SDHAF3: variants seen among roughly 807,000 people sequenced by gnomAD.
SDHAF3 encodes the protein succinate dehydrogenase assembly factor 3, mitochondrial.
Under a neutral mutation model 11.5 loss-of-function variants are expected in SDHAF3, and 18 were observed. That is an observed-to-expected ratio of 1.56 (90% CI 1.08 to 2.32). SDHAF3 has a LOEUF of 2.32. Among genes scored for constraint, SDHAF3 ranks in the 30% most tolerant of loss-of-function variants. The probability of loss-of-function intolerance (pLI) is 0.00; values close to 1 mark genes in which losing one functional copy is unlikely to be tolerated. For synonymous variants in SDHAF3, 72 were observed against 59.3 expected (o/e 1.21, Z -0.99); for missense variants, 200 against 154.4 (o/e 1.30, Z -1.57).
intron 1 of SDHAF3, among the ~76,000 whole-genome samples, chr7:97,138,284 T>G (rs1208131895): frequency 2.0e-5 from 3 of 152,024 alleles, no homozygotes; most frequent in African/African-American, 7.2e-5. Flanking sequence ...CTCAGCCTCC[T>G]GAGTAGCTGG....
At position 97,118,036 on chromosome 7, in the gene SDHAF3, A is replaced by G. The variant is rs1791435141; in HGVS notation, c.174+139A>G. On this transcript the variant is annotated intron_variant, in intron 1 of 1. Transcript: ENST00000432641. Reference sequence around the variant, plus strand: ...AATAGCGTAATGCTGTTCAGGTAACACTTTCCAAAGTTTCTCCCACGGGTT... The same window carrying G: ...AATAGCGTAATGCTGTTCAGGTAACGCTTTCCAAAGTTTCTCCCACGGGTT... 5 of 1,068,516 alleles carry G rather than the reference A, an allele frequency of 4.7e-6. No homozygotes were observed. The South Asian group carries it at 7.1e-5, about 15-fold the overall frequency. 66.2% of individuals were successfully genotyped at this position (1,068,516 alleles called of 1,614,324 possible). A position where few individuals can be genotyped will look rare whatever the true frequency, so the allele number is the denominator to read the frequency against.
At chr7:97,125,378 C>T (rs192832848) in intron 1 of SDHAF3, among the ~76,000 whole-genome samples, 2 of 152,192 alleles carry the variant, frequency 1.3e-5, no homozygotes, top group African/African-American at 4.8e-5. Context: ...TATAAATTTC[C>T]CTCTAAACAC....
chr7:97,180,382 A>G (rs1444928799), intron 1 of SDHAF3, among the ~76,000 whole-genome samples: 2 of 152,180 alleles, frequency 1.3e-5, no homozygotes, highest in East Asian at 3.9e-4. Flanking sequence ...AGAAAAATAA[A>G]ATTTTAAGTG....
chr7:97,138,262 C>G (rs1432983179), intron 1 of SDHAF3, among the ~76,000 whole-genome samples: 3 of 151,864 alleles, frequency 2.0e-5, no homozygotes, highest in Non-Finnish European at 2.9e-5. Flanking sequence ...CACGTATAAG[C>G]AATTCTCTTG....
intron 1 of SDHAF3, among the ~76,000 whole-genome samples, chr7:97,148,130 G>C (rs1562825291): frequency 1.3e-5 from 2 of 152,004 alleles, no homozygotes; most frequent in African/African-American, 4.8e-5. Context: ...CAGACCCCAA[G>C]TGATCCACCT....
At chr7:97,169,508 A>T (rs10252691) in intron 1 of SDHAF3, among the ~76,000 whole-genome samples, 16 of 152,190 alleles carry the variant, frequency 1.1e-4, no homozygotes, top group Non-Finnish European at 7.4e-5. Context: ...TTTTGGTGAC[A>T]GCTATAATGT....
intron 1 of SDHAF3, among the ~76,000 whole-genome samples, chr7:97,145,256 C>T (rs1198283425): frequency 6.6e-6 from 1 of 151,894 alleles, no homozygotes; most frequent in African/African-American, 2.4e-5. Context: ...CACATGATGG[C>T]AGAAGATACT....
intron 1 of SDHAF3, among the ~76,000 whole-genome samples, chr7:97,150,184 A>C (rs187040760): frequency 4.6e-5 from 7 of 152,292 alleles, no homozygotes; most frequent in Non-Finnish European, 7.3e-5. Flanking sequence ...TGAATTCTCA[A>C]ACTTTTCAAA....
At chr7:97,163,054 G>C (rs1343894086) in intron 1 of SDHAF3, among the ~76,000 whole-genome samples, 1 of 151,098 alleles carries the variant, frequency 6.6e-6, no homozygotes, top group Non-Finnish European at 1.5e-5. Context: ...TTGAGAACTT[G>C]TTTTATGAAT....
intron 1 of SDHAF3, among the ~76,000 whole-genome samples, chr7:97,172,051 T>C (rs1292720617): frequency 6.6e-6 from 1 of 152,090 alleles, no homozygotes; most frequent in African/African-American, 2.4e-5. Context: ...AAATAATATT[T>C]ATTATAAAAT....
Position 97,117,899 on chromosome 7 carries a change from C to T in SDHAF3, c.174+2C>T. ...CAGCGTTTCTTGCAAGAATGGGAGG[C>T]AAGTGACGCTCCCTTCTCTTTGCCC... On this transcript the variant is annotated splice_donor_variant, in intron 1 of 1. Transcript: ENST00000432641. LOFTEE classifies it low-confidence loss of function (GC_TO_GT_DONOR). 1 of 1,613,620 alleles carries T rather than the reference C, an allele frequency of 6.2e-7. No homozygotes were observed. Among genetic ancestry groups the T allele is most frequent in the Non-Finnish European group, 8.5e-7 (1 of 1,179,616 alleles).
At chr7:97,121,833 G>T (rs1395358440) in intron 1 of SDHAF3, among the ~76,000 whole-genome samples, 1 of 147,560 alleles carries the variant, frequency 6.8e-6, no homozygotes, top group Non-Finnish European at 1.5e-5. Context: ...ACAGTATGAG[G>T]TTTTTTGGTT....
intron 1 of SDHAF3, among the ~76,000 whole-genome samples, chr7:97,176,271 G>A (rs919365472): frequency 2.6e-5 from 4 of 152,174 alleles, no homozygotes; most frequent in African/African-American, 9.7e-5. Context: ...GCTACTTGAA[G>A]CAGCTGCTTA....
At chr7:97,147,599 G>T (rs1584220940) in intron 1 of SDHAF3, among the ~76,000 whole-genome samples, 1 of 152,190 alleles carries the variant, frequency 6.6e-6, no homozygotes. Flanking sequence ...CAAAAGGAAA[G>T]CTCATGCTGC....
intron 1 of SDHAF3, among the ~76,000 whole-genome samples, chr7:97,169,254 G>A (rs1399840050): frequency 6.6e-6 from 1 of 152,086 alleles, no homozygotes; most frequent in Non-Finnish European, 1.5e-5. Context: ...TGAATGTAGT[G>A]AGCTAAGATC....
intron 1 of SDHAF3, among the ~76,000 whole-genome samples, chr7:97,153,220 A>G (rs149401823): frequency 1.8e-4 from 27 of 152,296 alleles, no homozygotes; most frequent in African/African-American, 6.5e-4. Context: ...AATTTTTGCA[A>G]AGGTGGTTTC....
chr7:97,171,225 G>T (rs958445949), intron 1 of SDHAF3, among the ~76,000 whole-genome samples: 1 of 151,960 alleles, frequency 6.6e-6, no homozygotes, highest in Non-Finnish European at 1.5e-5. Flanking sequence ...TGTTGGTTCA[G>T]TGTTGCTAAA....
intron 1 of SDHAF3, among the ~76,000 whole-genome samples, chr7:97,147,488 G>A (rs184827242): frequency 6.6e-6 from 1 of 152,184 alleles, no homozygotes; most frequent in Non-Finnish European, 1.5e-5. Flanking sequence ...TAGGGAACTA[G>A]TTTATAAGAA....
chr7:97,131,878 T>C (rs1303260866), intron 1 of SDHAF3, among the ~76,000 whole-genome samples: 2 of 152,172 alleles, frequency 1.3e-5, no homozygotes, highest in East Asian at 1.9e-4. Context: ...ACTGTAGATA[T>C]CCAATGATAG....
Sources: gnomAD v4.1 joint callset for allele counts (sites outside exome capture counted in the v4.1 genomes callset) on GRCh38, gnomAD v4.1.1 for gene constraint, MANE v1.5 for transcripts, NCBI Gene and HGNC (gene_info 2026-07-23, HGNC 2026-07-21) for gene names.